PTPRT: variants seen among roughly 807,000 people sequenced by gnomAD.
PTPRT encodes protein tyrosine phosphatase receptor type T.
A neutral mutation model predicts 176.8 loss-of-function variants in PTPRT; 56 were observed. The observed-to-expected ratio is 0.32, with a 90% CI of 0.26 to 0.40. The LOEUF is 0.40. Among genes scored for constraint, PTPRT ranks in the 10% least tolerant of loss-of-function variants. The pLI is 1.00. For missense variants in PTPRT, 1,540 were observed against 1,908.2 expected (o/e 0.81, Z 3.60); for synonymous variants, 783 against 739.0 (o/e 1.06, Z -0.96).
intron 5 of PTPRT, among the ~76,000 whole-genome samples, chr20:42,759,130 C>T (rs1483886726): frequency 6.6e-6 from 1 of 152,216 alleles, no homozygotes; most frequent in Non-Finnish European, 1.5e-5. Flanking sequence ...AAAAGGAGCC[C>T]ATCTTCCCCA....
chr20:42,995,121 T>G (rs1984150437), intron 1 of PTPRT, among the ~76,000 whole-genome samples: 1 of 152,232 alleles, frequency 6.6e-6, no homozygotes, highest in Non-Finnish European at 1.5e-5. Context: ...TGAGAATTCC[T>G]TGTCGTATTG....
intron 11 of PTPRT, among the ~76,000 whole-genome samples, chr20:42,347,585 G>A (rs754757084): frequency 6.6e-6 from 1 of 152,126 alleles, no homozygotes; most frequent in Non-Finnish European, 1.5e-5. Flanking sequence ...CTTGGACTAA[G>A]GAATGGGGAT....
At position 42,081,931 on chromosome 20, in the gene PTPRT, T is replaced by C. The variant is rs1404253121; in HGVS notation, c.4223A>G (p.His1408Arg). ...GTTGTTACGCAGTGTTTTCACGATG[T>C]GGAACACGTCAATGATGTTTTGCTG... ...IQQQNIIDVF[H>R]IVKTLRNNKS... The change falls in exon 30 of 31, where the codon CAC (histidine) becomes CGC (arginine). Residue 1408 changes from histidine to arginine, a missense_variant. Transcript: ENST00000373187. 6.2e-7 allele frequency: 1 copy of C among 1,614,256 alleles called. No individual in the cohort carries two copies. The highest frequency in any genetic ancestry group is 8.5e-7 in the Non-Finnish European group (1 of 1,180,042).
chr20:42,609,391 A>C (rs1162245627), intron 7 of PTPRT, among the ~76,000 whole-genome samples: 1 of 152,106 alleles, frequency 6.6e-6, no homozygotes, highest in South Asian at 2.1e-4. Flanking sequence ...CTTTGAATTA[A>C]ACCATTTTCA....
At chr20:42,193,138 C>G (rs559826994) in intron 16 of PTPRT, among the ~76,000 whole-genome samples, 1 of 152,316 alleles carries the variant, frequency 6.6e-6, no homozygotes, top group Admixed American at 6.5e-5. Context: ...CATATGACTT[C>G]AAGAAGATCT....
chr20:42,748,835 G>T (rs543206039), intron 6 of PTPRT, among the ~76,000 whole-genome samples: 1 of 151,924 alleles, frequency 6.6e-6, no homozygotes, highest in African/African-American at 2.4e-5. Context: ...CACCCCAGGG[G>T]TTCTACACTG....
chr20:43,127,378 T>A (rs1182107279), intron 1 of PTPRT, among the ~76,000 whole-genome samples: 1 of 151,002 alleles, frequency 6.6e-6, no homozygotes, highest in East Asian at 1.9e-4. Context: ...AGCCGAGATC[T>A]TGCCACTGCA....
chr20:42,804,930 C>T (rs186491030), intron 2 of PTPRT, among the ~76,000 whole-genome samples: 4 of 152,288 alleles, frequency 2.6e-5, no homozygotes. Context: ...TCTAGAATGA[C>T]TACTTCCAAA....
intron 9 of PTPRT, among the ~76,000 whole-genome samples, chr20:42,421,324 C>T (rs1170863162): frequency 6.6e-6 from 1 of 150,870 alleles, no homozygotes; most frequent in Non-Finnish European, 1.5e-5. Context: ...CCAAGTGCAG[C>T]AGGTTGGGTG....
At chr20:42,552,228 G>C (rs758836091) in intron 7 of PTPRT, among the ~76,000 whole-genome samples, 14 of 152,118 alleles carry the variant, frequency 9.2e-5, no homozygotes, top group Non-Finnish European at 1.9e-4. Context: ...AGATACCCTG[G>C]GAATCAGATA....
At chr20:42,290,494 G>T (rs986209111) in intron 12 of PTPRT, among the ~76,000 whole-genome samples, 5 of 152,012 alleles carry the variant, frequency 3.3e-5, no homozygotes, top group African/African-American at 1.2e-4. Flanking sequence ...GGTAGAAAAG[G>T]CCACTTTGGT....
At chr20:42,368,644 G>A (rs1462003498) in intron 9 of PTPRT, among the ~76,000 whole-genome samples, 1 of 152,224 alleles carries the variant, frequency 6.6e-6, no homozygotes, top group African/African-American at 2.4e-5. Context: ...CATGTTGAAG[G>A]TGTGTAACTA....
chr20:42,444,060 A>G (rs955582657), intron 9 of PTPRT, among the ~76,000 whole-genome samples: 2 of 152,066 alleles, frequency 1.3e-5, no homozygotes, highest in Admixed American at 1.3e-4. Flanking sequence ...TTCAGGATAA[A>G]ATGCAAGTTC....
intron 1 of PTPRT, among the ~76,000 whole-genome samples, chr20:43,058,337 T>A (rs1600680836): frequency 7.0e-6 from 1 of 143,310 alleles, no homozygotes. Flanking sequence ...GAAGAGAAAG[T>A]GAGTGGGGAG....
intron 1 of PTPRT, among the ~76,000 whole-genome samples, chr20:43,139,029 A>G (rs2013921252): frequency 6.6e-6 from 1 of 152,250 alleles, no homozygotes; most frequent in Non-Finnish European, 1.5e-5. Flanking sequence ...CAGAGATTCT[A>G]CTATGAAGCC....
At chr20:42,941,999 A>T (rs1328436560) in intron 1 of PTPRT, among the ~76,000 whole-genome samples, 1 of 152,094 alleles carries the variant, frequency 6.6e-6, no homozygotes, top group Non-Finnish European at 1.5e-5. Context: ...ATTAAAAAAA[A>T]AAAGCAAAAT....
intron 1 of PTPRT, among the ~76,000 whole-genome samples, chr20:43,128,698 C>A (rs1373142132): frequency 2.6e-5 from 4 of 152,178 alleles, no homozygotes; most frequent in Admixed American, 1.3e-4. Flanking sequence ...TTTAGGACTA[C>A]AGAGGTGCCA....
At chr20:42,725,094 C>T (rs2076360465) in intron 6 of PTPRT, among the ~76,000 whole-genome samples, 1 of 151,382 alleles carries the variant, frequency 6.6e-6, no homozygotes, top group Non-Finnish European at 1.5e-5. Flanking sequence ...ATGGAATGAT[C>T]TCGGCTCACT....
intron 16 of PTPRT, among the ~76,000 whole-genome samples, chr20:42,188,683 C>T (rs534068445): frequency 6.6e-6 from 1 of 152,134 alleles, no homozygotes; most frequent in East Asian, 1.9e-4. Context: ...ATATTTACAT[C>T]GTCAACATCA....
Sources: allele counts gnomAD v4.1 joint callset (sites outside exome capture counted in the v4.1 genomes callset), GRCh38; gene constraint gnomAD v4.1.1; transcripts MANE v1.5; gene names NCBI Gene and HGNC (gene_info 2026-07-23, HGNC 2026-07-21).